Variants in SPOCD1 observed in about 807,000 individuals in gnomAD.
The protein encoded by SPOCD1 is SPOC domain containing 1, also known as SPOC domain-containing protein 1.
A neutral mutation model predicts 92.2 loss-of-function variants in SPOCD1; 64 were observed. The observed-to-expected ratio is 0.69, with a 90% CI of 0.57 to 0.86. The LOEUF (loss-of-function observed/expected upper bound fraction) is 0.86, where lower values mean the gene tolerates loss of function less well. Among genes scored for constraint, SPOCD1 ranks in the 40% least tolerant of loss-of-function variants. SPOCD1 has a pLI of 0.00. For missense variants in SPOCD1, 1,360 were observed against 1,543.1 expected (o/e 0.88, Z 1.99); for synonymous variants, 578 against 619.3 (o/e 0.93, Z 0.99).
In SPOCD1 at chr1:31,793,434, G is replaced by T; in HGVS notation, c.2535-6C>A. 6.3e-7 allele frequency: 1 copy of T among 1,584,852 alleles called. No homozygotes were observed. Among genetic ancestry groups the T allele is most frequent in the East Asian group, 2.3e-5 (1 of 43,356 alleles). On this transcript the variant is annotated splice_region_variant and splice_polypyrimidine_tract_variant and intron_variant, in intron 12 of 15. Coordinates refer to ENST00000360482, the MANE Select transcript of SPOCD1 (RefSeq NM_144569.7). Reference sequence around the variant, plus strand: ...GGAGCCCAGATGGAGGGACCCTAGAGGGAGGGACAGAAGACAGGGCCAGAC... The same window carrying T: ...GGAGCCCAGATGGAGGGACCCTAGATGGAGGGACAGAAGACAGGGCCAGAC...
chr1:31,798,621 G>A lies in SPOCD1; in HGVS notation c.1869-20C>T, dbSNP rs1221519203. ...CGAAGGCTGTGGAGGCCAGGGCAGGGCGGGGGCACTGAGCCCAGGAGGCTC... is the reference window on the plus strand; with the variant it reads ...CGAAGGCTGTGGAGGCCAGGGCAGGACGGGGGCACTGAGCCCAGGAGGCTC... On this transcript the variant is annotated intron_variant, in intron 7 of 15. Coordinates refer to ENST00000360482, the MANE Select transcript of SPOCD1 (RefSeq NM_144569.7). The surrounding 1 kb of genome is among the most constrained non-coding windows in gnomAD (Gnocchi z 4.1). 1 of 1,608,886 alleles carries A rather than the reference G, an allele frequency of 6.2e-7. No individual in the cohort carries two copies. The highest frequency in any genetic ancestry group is 8.5e-7 in the Non-Finnish European group (1 of 1,178,264).
intron 2 of SPOCD1, among the ~76,000 whole-genome samples, chr1:31,808,945 C>T (rs926117355): frequency 4.6e-5 from 7 of 152,188 alleles, no homozygotes; most frequent in African/African-American, 1.7e-4. Context: ...CCTGCAATCC[C>T]AGCATTTTGG....
At position 31,814,530 on chromosome 1, in the gene SPOCD1, A is replaced by T; in HGVS notation, c.804T>A (p.Pro268=). 1 of 1,533,648 alleles carries T rather than the reference A, an allele frequency of 6.5e-7. No homozygotes were observed. Among genetic ancestry groups the T allele is most frequent in the Non-Finnish European group, 8.8e-7 (1 of 1,138,432 alleles). ...PPSPKDTGSG[P]GEPGGSGAGC... ...CTGCCCCACTTCCACCTGGCTCTCC[A>T]GGCCCAGACCCAGTGTCTTTTGGAG... The change falls in exon 2 of 16, where the codon CCT becomes CCA. Residue 268 remains proline (P), a synonymous_variant. Transcript: ENST00000360482. The surrounding 1 kb of genome is among the most constrained non-coding windows in gnomAD (Gnocchi z 4.2).
intron 2 of SPOCD1, among the ~76,000 whole-genome samples, chr1:31,802,700 A>G (rs1291991547): frequency 6.6e-6 from 1 of 152,226 alleles, no homozygotes; most frequent in Non-Finnish European, 1.5e-5. Flanking sequence ...TTGGGTATTC[A>G]TGTTATTCAA....
chr1:31,791,277 G>T lies in SPOCD1; in HGVS notation c.2977C>A (p.Pro993Thr), dbSNP rs201515244. The change falls in exon 16 of 16, where the codon CCT becomes ACT. Residue 993 changes from proline to threonine, a missense_variant. Transcript: ENST00000360482. ...CCTGGGGAAAGGAGAGGGGAGACAG[G>T]AAGAGCCCAAAGGCCTGCGGGGAAG... ...PLGGPGLWAL[P>T]VSPLLSPGLE... 1 of 1,538,532 alleles carries T rather than the reference G, an allele frequency of 6.5e-7. No homozygotes were observed. The highest frequency in any genetic ancestry group is 8.8e-7 in the Non-Finnish European group (1 of 1,141,988).
Position 31,792,281 on chromosome 1 carries a change from T to G in SPOCD1, c.2896A>C (p.Met966Leu). 4 of 1,613,470 alleles carry G rather than the reference T, an allele frequency of 2.5e-6. No homozygotes were observed. Among genetic ancestry groups the G allele is most frequent in the Non-Finnish European group, 2.5e-6 (3 of 1,179,836 alleles). ...AAGGCAGGCAGGGGCAGCAGGACCA[T>G]CCCCATGTGCTCCACAGAGGCCAGC... ...HGLASVEHMG[M>L]VLLPLPAFQP... Residue 966 changes from methionine (M) to leucine (L), a missense_variant, in exon 15 of 16, where the codon ATG (methionine) becomes CTG (leucine). Physicochemically the swap from Met to Leu is conservative, Grantham distance 15 (BLOSUM62 2). Around this residue, in one of 3 missense-constraint regions of SPOCD1, gnomAD observed 614 missense variants for 757.8 expected, o/e 0.81. Transcript: ENST00000360482.
At chr1:31,801,609 C>T in intron 3 of SPOCD1, 55 bp downstream of exon 3, 1 of 1,562,912 alleles carries the variant, frequency 6.4e-7, no homozygotes, top group African/African-American at 1.4e-5. Context: ...CCTCCCACTC[C>T]ACCCCACCTG....
intron 2 of SPOCD1, among the ~76,000 whole-genome samples, chr1:31,806,541 T>C (rs935808154): frequency 3.3e-5 from 5 of 152,092 alleles, no homozygotes; most frequent in Non-Finnish European, 7.4e-5. Context: ...GCAATCGATA[T>C]GAAAACTTTT....
chr1:31,804,820 T>G (rs1291485408), intron 2 of SPOCD1, among the ~76,000 whole-genome samples: 1 of 151,992 alleles, frequency 6.6e-6, no homozygotes, highest in East Asian at 1.9e-4. Context: ...AAGATAGGAC[T>G]AATTTACTGG....
In SPOCD1 at chr1:31,800,563, C is replaced by T. The variant is rs1553198673; in HGVS notation, c.1480G>A (p.Gly494Arg). ...TCCAGCTTTGGTGGCAGCTGCCCCC[C>T]TGCCTGGCCGTGGCTGATGGCCCCC... Reference protein sequence around the residue: ...LLGAISHGQAGGQLPPKLEVL... With the variant: ...LLGAISHGQARGQLPPKLEVL... The change falls in exon 4 of 16, where the codon GGG (glycine) becomes AGG (arginine). Residue 494 changes from glycine to arginine, a missense_variant. Physicochemically the swap from Gly to Arg is moderately radical, Grantham distance 125. Transcript: ENST00000360482. 2.5e-6 allele frequency: 4 copies of T among 1,610,734 alleles called. No homozygotes were observed. Among genetic ancestry groups the T allele is most frequent in the Non-Finnish European group, 2.5e-6 (3 of 1,178,830 alleles).
chr1:31,793,204 A>AAGAG (rs142408689), intron 13 of SPOCD1, 74 bp downstream of exon 13: 13 of 1,373,920 alleles, frequency 9.5e-6, no homozygotes, highest in East Asian at 5.3e-5. Flanking sequence ...GCATGAGTGA[A>AAGAG]AGAGAGAGAG....
Position 31,814,559 on chromosome 1 carries a change from G to A in SPOCD1, c.775C>T (p.Pro259Ser). ...CCAGACCCAGTGTCTTTTGGAGAGG[G>A]AGGTCTGCAAGGGCCTCCCAAGGAC... Reference protein sequence around the residue: ...LESLGGPCRPPSPKDTGSGPG... With the variant: ...LESLGGPCRPSSPKDTGSGPG... The change falls in exon 2 of 16, where the codon CCC (proline) becomes TCC (serine). Residue 259 changes from proline (P) to serine (S), a missense_variant. Pro to Ser is a moderately conservative substitution (Grantham distance 74). This residue lies in a region of SPOCD1 where 606 missense variants were observed against 601.5 expected (regional missense o/e 1.01). Transcript: ENST00000360482. This position sits in a 1 kb window ranked among gnomAD's most constrained non-coding sequence, Gnocchi z 4.2. 6.5e-7 allele frequency: 1 copy of A among 1,527,952 alleles called. No homozygotes were observed. 94.6% of individuals were successfully genotyped at this position (1,527,952 alleles called of 1,614,324 possible).
chr1:31,790,891 C>T lies in SPOCD1; in HGVS notation c.3363G>A (p.Gln1121=). ...CAGCTGGTGCTACTGAATAGGGATG[C>T]TGGGACTGGCGCAAGCCTGGCTCTG... ...WPPEPGLRQS[Q]HPYSVAPAGH... Residue 1121 remains glutamine (Q), a synonymous_variant, in exon 16 of 16, where the codon CAG becomes CAA. Transcript: ENST00000360482. 6.3e-7 allele frequency: 1 copy of T among 1,583,130 alleles called. No individual in the cohort carries two copies. Among genetic ancestry groups the T allele is most frequent in the Non-Finnish European group, 8.6e-7 (1 of 1,165,052 alleles).
At position 31,803,799 on chromosome 1, in the gene SPOCD1, G is replaced by GGGAAA. The variant is rs371519961; in HGVS notation, c.1384-2099_1384-2095dup. On this transcript the variant is annotated intron_variant, in intron 2 of 15. Transcript: ENST00000360482. ...AGAAAGGAGAAGAAAGGAAAGGAAA[G>GGGAAA]GGAAAGGAAAGGAAAGGAGAAGAAG... 1.0e-4 allele frequency among the ~76,000 whole-genome samples: 15 copies of GGGAAA among 147,078 alleles called. 1 individual carries two copies. The East Asian group carries it at 2.6e-3, about 25-fold the overall frequency.
Position 31,792,455 on chromosome 1 carries a change from A to C in SPOCD1, c.2776-54T>G, listed in dbSNP as rs574538341. 4 of 1,573,334 alleles carry C rather than the reference A, an allele frequency of 2.5e-6. No homozygotes were observed. In the South Asian group the frequency reaches 4.6e-5, roughly 18 times the overall value. ...AGCGCAGTCATCCTCTGCTCCTGCC[A>C]ACACCCCTGGGCTCCCTGAAACCCC... On this transcript the variant is annotated intron_variant, in intron 14 of 15. Coordinates refer to ENST00000360482, the MANE Select transcript of SPOCD1 (RefSeq NM_144569.7).
intron 2 of SPOCD1, among the ~76,000 whole-genome samples, chr1:31,805,346 T>C (rs939893749): frequency 1.3e-5 from 2 of 151,732 alleles, no homozygotes; most frequent in Admixed American, 1.3e-4. Flanking sequence ...ACATCTAAAC[T>C]ACTAGAGGGA....
intron 2 of SPOCD1, among the ~76,000 whole-genome samples, chr1:31,809,309 C>G (rs1649042402): frequency 6.6e-6 from 1 of 152,180 alleles, no homozygotes; most frequent in Non-Finnish European, 1.5e-5. Context: ...CTGCTACCAT[C>G]AAGGGCTGGT....
At position 31,803,687 on chromosome 1, in the gene SPOCD1, G is replaced by C. The variant is rs79026436; in HGVS notation, c.1384-1982C>G. ...GCCGGAGAAGTCAAGGCTGCAGTGA[G>C]CTATGATCACACCACTGTACTCTAG... On this transcript the variant is annotated intron_variant, in intron 2 of 15. Transcript: ENST00000360482. 8.5e-3 allele frequency among the ~76,000 whole-genome samples: 1,298 copies of C among 151,904 alleles called. 16 individuals carry two copies. The highest frequency in any genetic ancestry group is 0.03 in the African/African-American group (1,220 of 41,336).
At position 31,814,310 on chromosome 1, in the gene SPOCD1, C is replaced by T; in HGVS notation, c.1024G>A (p.Glu342Lys). The change falls in exon 2 of 16, where the codon GAA becomes AAA. Residue 342 changes from glutamate (E) to lysine (K), a missense_variant. Glu to Lys is a moderately conservative substitution (Grantham distance 56). Transcript: ENST00000360482. This position sits in a 1 kb window ranked among gnomAD's most constrained non-coding sequence, Gnocchi z 4.2. ...ASAQASAEQQ[E>K]AVCVVRTGSD... ...CCAGTCCGCACGACACACACAGCTTCTTGCTGCTCTGCAGAGGCCTGTGCT... is the reference window on the plus strand; with the variant it reads ...CCAGTCCGCACGACACACACAGCTTTTTGCTGCTCTGCAGAGGCCTGTGCT... 6.3e-7 allele frequency: 1 copy of T among 1,575,346 alleles called. No individual in the cohort carries two copies. The highest frequency in any genetic ancestry group is 1.2e-5 in the South Asian group (1 of 86,930).
Sources: gnomAD v4.1 joint callset for allele counts (sites outside exome capture counted in the v4.1 genomes callset) on GRCh38, gnomAD v4.1.1 for gene constraint, gnomAD v4.1.1 regional missense constraint, Gnocchi (gnomAD v3.1) non-coding constraint, MANE v1.5 for transcripts, NCBI Gene and HGNC (gene_info 2026-07-23, HGNC 2026-07-21) for gene names.